PHYHIP: variants seen among roughly 807,000 people sequenced by gnomAD.
The protein encoded by PHYHIP is phytanoyl-CoA hydroxylase-interacting protein.
Under a neutral mutation model 26.1 loss-of-function variants are expected in PHYHIP, and 7 were observed. The ratio of observed to expected loss-of-function variants is 0.27; its 90% CI spans 0.15 to 0.50. The LOEUF (loss-of-function observed/expected upper bound fraction) is 0.50, where lower values mean the gene tolerates loss of function less well. Ranked by LOEUF, PHYHIP falls within the 20% of genes least tolerant of loss-of-function variation. PHYHIP has a pLI of 0.98. For synonymous variants in PHYHIP, 206 were observed against 183.4 expected, an observed-to-expected ratio of 1.12 and a Z score of -1.00; for missense variants, 232 against 454.7, an observed-to-expected ratio of 0.51 and a Z score of 4.45.
chr8:22,228,620 G>A lies in PHYHIP; in HGVS notation c.-29-234C>T, dbSNP rs1035433258. ...CCTCGGAGGGGTCTGCAGAGCAGACGGCACCTGACAGGTGGCAGAGGCAGT... is the reference window on the plus strand; with the variant it reads ...CCTCGGAGGGGTCTGCAGAGCAGACAGCACCTGACAGGTGGCAGAGGCAGT... On this transcript the variant is annotated intron_variant, in intron 1 of 4. Transcript: ENST00000454243. The A allele has an allele frequency of 2.6e-5, 9 of 340,802 alleles. No individual in the cohort carries two copies. In the Admixed American group the frequency reaches 3.6e-4, roughly 14 times the overall value. 21.1% of individuals were successfully genotyped at this position (340,802 alleles called of 1,614,324 possible). A position where few individuals can be genotyped will look rare whatever the true frequency, so the allele number is the denominator to read the frequency against.
At position 22,220,763 on chromosome 8, in the gene PHYHIP, G is replaced by C. The variant is rs1829602086; in HGVS notation, c.*590C>G. On this transcript the variant is annotated 3_prime_UTR_variant, in exon 5 of 5. Transcript: ENST00000454243. ...AAGGAGGGACAGCTCTCCCATGCAGGAAGAGGGTTCTTTGGGGCAAGGAGC... is the reference window on the plus strand; with the variant it reads ...AAGGAGGGACAGCTCTCCCATGCAGCAAGAGGGTTCTTTGGGGCAAGGAGC... The C allele has an allele frequency of 6.6e-6, 1 of 152,664 alleles. No individual in the cohort carries two copies. Among genetic ancestry groups the C allele is most frequent in the East Asian group, 1.9e-4 (1 of 5,196 alleles). The allele number at this position is 152,664 out of a possible 1,614,324, so 9.5% of individuals were successfully genotyped here. A position where few individuals can be genotyped will look rare whatever the true frequency, so the allele number is the denominator to read the frequency against.
intron 1 of PHYHIP, among the ~76,000 whole-genome samples, chr8:22,230,273 C>T (rs1563304969): frequency 6.6e-6 from 1 of 151,974 alleles, no homozygotes; most frequent in Non-Finnish European, 1.5e-5. Context: ...GCGGCACCCA[C>T]CCACACGCTC....
intron 1 of PHYHIP, chr8:22,228,726 G>T: frequency 6.1e-6 from 1 of 164,660 alleles, no homozygotes. Flanking sequence ...CAGCAGGCGT[G>T]AAAAGAGAAA....
Position 22,221,791 on chromosome 8 carries a change from G to A in PHYHIP, c.555C>T (p.Ser185=). 6.2e-7 allele frequency: 1 copy of A among 1,611,068 alleles called. No homozygotes were observed. ...GGCCCGTGTTGAACTCCGTGTTGCA[G>A]CTGAAGAAGACCCCGTGGAGCATAC... ...TSGMLHGVFF[S]CNTEFNTGQP... Residue 185 remains serine, a synonymous_variant, in exon 5 of 5, where the codon AGC becomes AGT. Transcript: ENST00000454243. The surrounding 1 kb of genome is among the most constrained non-coding windows in gnomAD (Gnocchi z 7.9).
In PHYHIP at chr8:22,231,865, C is replaced by A. The variant is rs1278219302; in HGVS notation, c.-99G>T. On this transcript the variant is annotated 5_prime_UTR_variant, in exon 1 of 5. Transcript: ENST00000454243. ...AGGGAGAGACCTCTGCGTGGATGAG[C>A]TCCCCGGCAGGGGACAGCAGCCGGA... 6.6e-6 allele frequency: 1 copy of A among 152,266 alleles called. No individual in the cohort carries two copies. Among genetic ancestry groups the A allele is most frequent in the Non-Finnish European group, 1.5e-5 (1 of 68,096 alleles). 9.4% of individuals were successfully genotyped at this position (152,266 alleles called of 1,614,324 possible).
chr8:22,219,788 CG>C lies in PHYHIP; in HGVS notation c.*1564del. The C allele has an allele frequency of 6.5e-6, 1 of 153,486 alleles. No homozygotes were observed. The highest frequency in any genetic ancestry group is 1.5e-5 in the Non-Finnish European group (1 of 68,658). 9.5% of individuals were successfully genotyped at this position (153,486 alleles called of 1,614,324 possible). A position where few individuals can be genotyped will look rare whatever the true frequency, so the allele number is the denominator to read the frequency against. On this transcript the variant is annotated 3_prime_UTR_variant, in exon 5 of 5. Coordinates refer to ENST00000454243, the MANE Select transcript of PHYHIP (RefSeq NM_014759.5). ...AGCACAGGCAGGCGGACCCCAGCCC[CG>C]GGGGGACATGAGGGCCAGGGGAGGG...
Position 22,221,504 on chromosome 8 carries a change from T to A in PHYHIP, c.842A>T (p.Asp281Val). Residue 281 changes from aspartate to valine, a missense_variant, in exon 5 of 5, where the codon GAC becomes GTC. Transcript: ENST00000454243. This position sits in a 1 kb window ranked among gnomAD's most constrained non-coding sequence, Gnocchi z 7.9. ...DGELVFRHAQ[D>V]LILEIIYTEP... ...AGTGTAGATGATCTCCAGGATGAGGTCCTGGGCGTGGCGGAAGACCAGCTC... is the reference window on the plus strand; with the variant it reads ...AGTGTAGATGATCTCCAGGATGAGGACCTGGGCGTGGCGGAAGACCAGCTC... 6.2e-7 allele frequency: 1 copy of A among 1,614,028 alleles called. No individual in the cohort carries two copies. The highest frequency in any genetic ancestry group is 8.5e-7 in the Non-Finnish European group (1 of 1,179,984).
intron 4 of PHYHIP, among the ~76,000 whole-genome samples, chr8:22,222,931 A>G (rs969230728): frequency 2.0e-5 from 3 of 152,192 alleles, no homozygotes; most frequent in African/African-American, 7.2e-5. Context: ...TGGGGTCAAG[A>G]GATCCCATCT....
chr8:22,225,319 T>A (rs536322075), intron 3 of PHYHIP, among the ~76,000 whole-genome samples: 3 of 151,774 alleles, frequency 2.0e-5, no homozygotes, highest in African/African-American at 7.3e-5. Flanking sequence ...TACAAAAAAA[T>A]ATCAAAAATT....
chr8:22,222,831 T>C (rs1315068525), intron 4 of PHYHIP, among the ~76,000 whole-genome samples: 2 of 152,144 alleles, frequency 1.3e-5, no homozygotes, highest in Non-Finnish European at 2.9e-5. Context: ...CTCGAACTCC[T>C]GGGCTCAAGC....
intron 1 of PHYHIP, among the ~76,000 whole-genome samples, chr8:22,230,216 C>T (rs565464601): frequency 7.5e-6 from 1 of 132,972 alleles, no homozygotes; most frequent in South Asian, 2.2e-4. Flanking sequence ...CACACACACG[C>T]ACACACACAC....
chr8:22,223,935 T>C (rs1829688825), intron 4 of PHYHIP: 1 of 318,904 alleles, frequency 3.1e-6, no homozygotes, highest in East Asian at 6.8e-5. Context: ...TAGACCCCTG[T>C]GAAAGGAACT....
Position 22,232,095 on chromosome 8 carries a change from GAA to G in PHYHIP, c.-331_-330del, listed in dbSNP as rs969210587. 1.8e-4 allele frequency: 27 copies of G among 154,122 alleles called. 1 individual carries two copies. The highest frequency in any genetic ancestry group is 6.5e-4 in the African/African-American group (27 of 41,598). The allele number at this position is 154,122 out of a possible 1,614,324, so 9.5% of individuals were successfully genotyped here. ...GGAGGAGAGAGAGGCAGAGAAGGGA[GAA>G]AGAACGAGAGAGCCAGACCGAATCT... On this transcript the variant is annotated 5_prime_UTR_variant, in exon 1 of 5. Coordinates refer to ENST00000454243, the MANE Select transcript of PHYHIP (RefSeq NM_014759.5).
chr8:22,226,760 T>C, intron 3 of PHYHIP, 91 bp downstream of exon 3: 1 of 1,215,724 alleles, frequency 8.2e-7, no homozygotes, highest in East Asian at 2.5e-5. Flanking sequence ...TGTTCATCAG[T>C]GTTTGCTGGA....
intron 4 of PHYHIP, among the ~76,000 whole-genome samples, chr8:22,222,849 A>T (rs1829658530): frequency 6.6e-6 from 1 of 152,000 alleles, no homozygotes; most frequent in African/African-American, 2.4e-5. Flanking sequence ...AGCAATCCAC[A>T]CCCGGCTAAT....
chr8:22,231,903 G>A lies in PHYHIP; in HGVS notation c.-137C>T, dbSNP rs776789391. On this transcript the variant is annotated 5_prime_UTR_variant, in exon 1 of 5. Transcript: ENST00000454243. ...GACAGCAGCCGGACGCCTGGGTCAC[G>A]GGCAGTGGCGTGCGCTTGCTCCTCT... 6.6e-6 allele frequency: 1 copy of A among 152,322 alleles called. No individual in the cohort carries two copies. Among genetic ancestry groups the A allele is most frequent in the South Asian group, 2.1e-4 (1 of 4,834 alleles). 9.4% of individuals were successfully genotyped at this position (152,322 alleles called of 1,614,324 possible). A position where few individuals can be genotyped will look rare whatever the true frequency, so the allele number is the denominator to read the frequency against.
chr8:22,224,008 A>G, intron 4 of PHYHIP: 1 of 537,440 alleles, frequency 1.9e-6, no homozygotes, highest in Non-Finnish European at 3.4e-6. Context: ...ACACTCTTGC[A>G]GAAGGCCCTG....
In PHYHIP at chr8:22,221,527, C is replaced by G; in HGVS notation, c.819G>C (p.Glu273Asp). 2 of 1,614,166 alleles carry G rather than the reference C, an allele frequency of 1.2e-6. No individual in the cohort carries two copies. ...KFLTCSVEDG[E>D]LVFRHAQDLI... ...GGTCCTGGGCGTGGCGGAAGACCAG[C>G]TCCCCATCCTCCACGCTGCAGGTCA... The change falls in exon 5 of 5, where the codon GAG becomes GAC. Residue 273 changes from glutamate to aspartate, a missense_variant. By Grantham distance (45) the Glu-to-Asp change is conservative. Coordinates refer to ENST00000454243, the MANE Select transcript of PHYHIP (RefSeq NM_014759.5). This position sits in a 1 kb window ranked among gnomAD's most constrained non-coding sequence, Gnocchi z 7.9.
Position 22,226,807 on chromosome 8 carries a change from G to C in PHYHIP, c.340+44C>G, listed in dbSNP as rs533879701. Reference sequence around the variant, plus strand: ...ACCCGCCTTGACCACAGCAAAGCCCGACGTGCCAAGCAGCAGGACAGGGGT... The same window carrying C: ...ACCCGCCTTGACCACAGCAAAGCCCCACGTGCCAAGCAGCAGGACAGGGGT... On this transcript the variant is annotated intron_variant, in intron 3 of 4. Transcript: ENST00000454243. 7.1e-5 allele frequency: 111 copies of C among 1,559,130 alleles called. No individual in the cohort carries two copies. The South Asian group carries it at 1.2e-3, about 18-fold the overall frequency.
Sources: gnomAD v4.1 joint callset for allele counts (sites outside exome capture counted in the v4.1 genomes callset) on GRCh38, gnomAD v4.1.1 for gene constraint, Gnocchi (gnomAD v3.1) non-coding constraint, MANE v1.5 for transcripts, NCBI Gene and HGNC (gene_info 2026-07-23, HGNC 2026-07-21) for gene names.